ANXA2: variants seen among roughly 807,000 people sequenced by gnomAD.
The protein encoded by ANXA2 is annexin A2.
ANXA2 carries 28 observed loss-of-function variants against 47.3 expected under a neutral mutation model. The ratio of observed to expected loss-of-function variants is 0.59; its 90% confidence interval spans 0.44 to 0.81. The LOEUF is 0.81. Among genes scored for constraint, ANXA2 ranks in the 40% least tolerant of loss-of-function variants. The probability of loss-of-function intolerance (pLI) is 0.00; values close to 1 mark genes in which losing one functional copy is unlikely to be tolerated. For missense variants in ANXA2, 384 were observed against 414.3 expected (o/e 0.93, Z 0.64); for synonymous variants, 172 against 155.5 (o/e 1.11, Z -0.79).
At chr15:60,381,593 T>C (rs2062860318) in intron 3 of ANXA2, among the ~76,000 whole-genome samples, 1 of 152,148 alleles carries the variant, frequency 6.6e-6, no homozygotes, top group Non-Finnish European at 1.5e-5. Context: ...AGGAAGGCTT[T>C]TACGCCTCCT....
chr15:60,360,453 C>T (rs1476986624), intron 5 of ANXA2, among the ~76,000 whole-genome samples: 1 of 152,186 alleles, frequency 6.6e-6, no homozygotes, highest in Non-Finnish European at 1.5e-5. Context: ...AGGTACGATT[C>T]TTCATCCAGA....
At chr15:60,366,237 G>T (rs1451251831) in intron 3 of ANXA2, among the ~76,000 whole-genome samples, 3 of 151,050 alleles carry the variant, frequency 2.0e-5, no homozygotes, top group Admixed American at 1.3e-4. Flanking sequence ...CTCCCAAAGA[G>T]CCCAGATTGC....
At chr15:60,362,818 A>G (rs1442071920) in intron 4 of ANXA2, 1 of 152,114 alleles carries the variant, frequency 6.6e-6, no homozygotes, top group Non-Finnish European at 1.5e-5. Flanking sequence ...AATTCTGGTA[A>G]TATCTTCCCT....
chr15:60,397,383 G>C (rs2063094816), intron 1 of ANXA2: 8 of 920,356 alleles, frequency 8.7e-6, no homozygotes, highest in Non-Finnish European at 1.0e-5. Context: ...TTCTTTTATG[G>C]GGGGCTGAGG....
chr15:60,394,432 C>T (rs62004990), intron 1 of ANXA2: 35,057 of 152,324 alleles, frequency 0.23, 4,217 homozygotes, highest in Middle Eastern at 0.38. Context: ...GGCATAGTGG[C>T]TCACGCCTGT....
At chr15:60,364,551 A>G in intron 3 of ANXA2, 28 bp from the exon 4 acceptor site, 2 of 1,569,330 alleles carry the variant, frequency 1.3e-6, no homozygotes, top group Non-Finnish European at 1.7e-6. Context: ...GTTAATCGTT[A>G]CTCAGTATAC....
chr15:60,351,791 A>C lies in ANXA2; in HGVS notation c.711T>G (p.Pro237=). 1.9e-6 allele frequency: 3 copies of C among 1,613,518 alleles called. No homozygotes were observed. Among genetic ancestry groups the C allele is most frequent in the Non-Finnish European group, 2.5e-6 (3 of 1,179,444 alleles). The change falls in exon 10 of 13, where the codon CCT becomes CCG. Residue 237 remains proline (P), a synonymous_variant. Transcript: ENST00000451270. ...TCCTGATGCTTTCCAACATGTCATAAGGGCTGTAACTCTTGTACCTATCAA... is the reference window on the plus strand; with the variant it reads ...TCCTGATGCTTTCCAACATGTCATACGGGCTGTAACTCTTGTACCTATCAA... The part of the protein sequence containing the change: ...KVFDRYKSYS[P]YDMLESIRKE...
intron 7 of ANXA2, 81 bp from the exon 8 acceptor site, chr15:60,354,294 A>G (rs1031967337): frequency 1.8e-6 from 2 of 1,126,724 alleles, no homozygotes; most frequent in African/African-American, 3.2e-5. Flanking sequence ...CAGTCCATGT[A>G]CGCCATTATT....
Position 60,363,625 on chromosome 15 carries a change from G to A in ANXA2, c.243+804C>T, listed in dbSNP as rs533285946. 3.9e-5 allele frequency among the ~76,000 whole-genome samples: 6 copies of A among 152,268 alleles called. No individual in the cohort carries two copies. In the East Asian group the frequency reaches 5.8e-4, roughly 15 times the overall value. ...TCCTACAACTGACAAAATAAAGGAC[G>A]AACACGCACTGGTTGTTTCTTAACC... On this transcript the variant is annotated intron_variant, in intron 4 of 12. Coordinates refer to ENST00000451270, the MANE Select transcript of ANXA2 (RefSeq NM_004039.3).
intron 3 of ANXA2, among the ~76,000 whole-genome samples, chr15:60,381,675 G>A (rs1595700320): frequency 6.6e-6 from 1 of 152,006 alleles, no homozygotes; most frequent in Admixed American, 6.6e-5. Flanking sequence ...TCCAGCTCCA[G>A]GCCTAAGGAG....
chr15:60,358,128 T>G (rs1251548386), intron 5 of ANXA2, among the ~76,000 whole-genome samples: 2 of 152,252 alleles, frequency 1.3e-5, no homozygotes, highest in African/African-American at 4.8e-5. Flanking sequence ...ATTTCATTCT[T>G]GTCCTTCCAT....
intron 2 of ANXA2, chr15:60,383,930 G>A (rs1566947452): frequency 6.6e-6 from 1 of 152,220 alleles, no homozygotes; most frequent in Non-Finnish European, 1.5e-5. Flanking sequence ...ATGACTCCCA[G>A]GAGAGGCCAG....
At chr15:60,394,550 T>C (rs1396938617) in intron 1 of ANXA2, 1 of 152,054 alleles carries the variant, frequency 6.6e-6, no homozygotes, top group Non-Finnish European at 1.5e-5. Flanking sequence ...AATACAAAGA[T>C]TAGCCCGGCA....
At chr15:60,393,072 A>G (rs2063035383) in intron 1 of ANXA2, 1 of 1,287,160 alleles carries the variant, frequency 7.8e-7, no homozygotes, top group African/African-American at 1.5e-5. Context: ...CCTTGGTTTT[A>G]TGGTCTTGAT....
At chr15:60,353,242 G>T (rs1356351161) in intron 8 of ANXA2, among the ~76,000 whole-genome samples, 1 of 152,166 alleles carries the variant, frequency 6.6e-6, no homozygotes, top group Non-Finnish European at 1.5e-5. Context: ...GTTCATTGCA[G>T]TCTGAATAAG....
At chr15:60,368,635 A>G (rs2062671304) in intron 3 of ANXA2, among the ~76,000 whole-genome samples, 2 of 152,020 alleles carry the variant, frequency 1.3e-5, no homozygotes, top group African/African-American at 2.4e-5. Context: ...GTATGCACGT[A>G]TAAGAAAATA....
At chr15:60,385,961 G>A (rs3743268) in intron 2 of ANXA2, 67 bp downstream of exon 2, 335,883 of 1,056,602 alleles carry the variant, frequency 0.32, 56,706 homozygotes, top group East Asian at 0.46. Flanking sequence ...AGGATAGAGA[G>A]TAATATGGTT....
At chr15:60,378,405 T>A (rs1306696093) in intron 3 of ANXA2, among the ~76,000 whole-genome samples, 1 of 152,198 alleles carries the variant, frequency 6.6e-6, no homozygotes, top group Non-Finnish European at 1.5e-5. Context: ...GAGTTACACA[T>A]TATCTATGTA....
At chr15:60,356,822 A>G (rs1344888113) in intron 6 of ANXA2, among the ~76,000 whole-genome samples, 2 of 152,200 alleles carry the variant, frequency 1.3e-5, no homozygotes, top group African/African-American at 2.4e-5. Flanking sequence ...ACAGCGCCCA[A>G]TAAGTGGAAT....
Sources: allele counts gnomAD v4.1 joint callset (sites outside exome capture counted in the v4.1 genomes callset), GRCh38; gene constraint gnomAD v4.1.1; transcripts MANE v1.5; gene names NCBI Gene and HGNC (gene_info 2026-07-23, HGNC 2026-07-21).